HPS1: variants seen among roughly 807,000 people sequenced by gnomAD.
HPS1 encodes BLOC-3 complex member HPS1.
Under a neutral mutation model 90.6 loss-of-function variants are expected in HPS1, and 59 were observed. The observed-to-expected ratio is 0.65, with a 90% confidence interval of 0.53 to 0.81. The LOEUF (loss-of-function observed/expected upper bound fraction) is 0.81, where lower values mean the gene tolerates loss of function less well. HPS1 is among the 30% of genes least tolerant of loss of function. HPS1 has a pLI of 0.00. For synonymous variants in HPS1, 388 were observed against 384.4 expected, an observed-to-expected ratio of 1.01 and a Z score of -0.11; for missense variants, 849 against 896.7, an observed-to-expected ratio of 0.95 and a Z score of 0.68.
intron 17 of HPS1, among the ~76,000 whole-genome samples, chr10:98,421,367 AT>A (rs1257652890): frequency 7.2e-5 from 11 of 152,242 alleles, no homozygotes. Flanking sequence ...CTGCAGAATT[AT>A]TTATAACAGC....
chr10:98,415,026 G>C, downstream of HPS1: 1 of 1,612,714 alleles, frequency 6.2e-7, no homozygotes, highest in Non-Finnish European at 8.5e-7. Context: ...TATCACCACC[G>C]CATCATACTC....
rs772194128 is a variant in HPS1 at position 98,422,422 on chromosome 10, T to C, written c.1690A>G (p.Lys564Glu). Residue 564 changes from lysine to glutamate, a missense_variant, in exon 17 of 20, where the codon AAG becomes GAG. Lys to Glu is a moderately conservative substitution (Grantham distance 56). Transcript: ENST00000361490. Reference protein sequence around the residue: ...MVAPSLNCSQKTSSELGKGPL... With the variant: ...MVAPSLNCSQETSSELGKGPL... ...CCCTTGCCCAACTCCGACGAGGTCT[T>C]TTGACTGCAGTTGAGGGAAGGCGCC... is the stretch of plus-strand genomic sequence containing the variant. 9.3e-6 allele frequency: 15 copies of C among 1,614,038 alleles called. No homozygotes were observed. The highest frequency in any genetic ancestry group is 1.3e-5 in the Non-Finnish European group (15 of 1,180,008).
chr10:98,429,913 G>T, intron 8 of HPS1, 24 bp from the exon 9 acceptor site: 2 of 1,597,482 alleles, frequency 1.3e-6, no homozygotes, highest in Non-Finnish European at 1.7e-6. Context: ...GGGAGAGGCT[G>T]GTTAGCTCCT....
intron 13 of HPS1, 124 bp downstream of exon 13, chr10:98,425,417 C>A (rs114779127): frequency 6.6e-6 from 6 of 902,436 alleles, no homozygotes; most frequent in South Asian, 1.4e-5. Flanking sequence ...ATCGTAGGCC[C>A]GGGGGAGGTG....
At chr10:98,442,689 G>A (rs1000198878) in intron 3 of HPS1, 4 of 249,954 alleles carry the variant, frequency 1.6e-5, no homozygotes, top group South Asian at 1.5e-4. Flanking sequence ...TATTTTTTTT[G>A]TAGAGACAGG....
In HPS1 at chr10:98,435,613, G is replaced by GGCCTATA; in HGVS notation, c.255+21_255+22insTATAGGC. 1.2e-6 allele frequency: 2 copies of GGCCTATA among 1,614,004 alleles called. No homozygotes were observed. The highest frequency in any genetic ancestry group is 1.7e-6 in the Non-Finnish European group (2 of 1,179,956). On this transcript the variant is annotated intron_variant, in intron 4 of 19. Coordinates refer to ENST00000361490, the MANE Select transcript of HPS1 (RefSeq NM_000195.5). This position sits in a 1 kb window ranked among gnomAD's most constrained non-coding sequence, Gnocchi z 4.3. ...ATCAAGCTGAGGGAAGAGGAACATG[G>GGCCTATA]GCCCCAGAGCTATAGACTCACCAGG...
At position 98,420,131 on chromosome 10, in the gene HPS1, T is replaced by G. The variant is rs1040121123; in HGVS notation, c.1771A>C (p.Arg591=). 1 of 1,613,784 alleles carries G rather than the reference T, an allele frequency of 6.2e-7. No homozygotes were observed. Among genetic ancestry groups the G allele is most frequent in the African/African-American group, 1.3e-5 (1 of 74,938 alleles). Residue 591 remains arginine, a synonymous_variant, in exon 18 of 20, where the codon AGA becomes CGA. Coordinates refer to ENST00000361490, the MANE Select transcript of HPS1 (RefSeq NM_000195.5). ...GTGGTGTAGCCCTTCTGCAGGTATC[T>G]GCGCGCCAGCTGGATCAGAGACCAG... ...KVWSLIQLAR[R]YLQKGYTTLL... is the part of the protein sequence containing the mutation.
rs894195967 is a variant in HPS1 at position 98,417,162 on chromosome 10, G to A, written c.*402C>T. The stretch of plus-strand genomic sequence containing the variant: ...GGAGGTGCAGAGAGGAAGTGGCAGC[G>A]CTGGAATTCAAACCCAGGCAAAGGA... On this transcript the variant is annotated 3_prime_UTR_variant, in exon 20 of 20. Transcript: ENST00000361490. The surrounding 1 kb of genome is among the most constrained non-coding windows in gnomAD (Gnocchi z 4.2). The A allele has an allele frequency of 1.9e-5, 3 of 161,448 alleles. No individual in the cohort carries two copies. The highest frequency in any genetic ancestry group is 4.0e-5 in the Non-Finnish European group (3 of 74,386). The allele number at this position is 161,448 out of a possible 1,614,324, so 10.0% of individuals were successfully genotyped here. A position where few individuals can be genotyped will look rare whatever the true frequency, so the allele number is the denominator to read the frequency against.
rs777901500 is a variant in HPS1 at position 98,422,497 on chromosome 10, G to C, written c.1615C>G (p.Pro539Ala). ...ITMVSYLEDF[P>A]GLVHFIYVDR... ...ACATAGATGAAGTGCACCAAGCCTG[G>C]GAAGTCTTCTAGGTAGGTGAAGGTC... Residue 539 changes from proline to alanine, a missense_variant, in exon 17 of 20, where the codon CCA (proline) becomes GCA (alanine). Pro to Ala is a conservative substitution (Grantham distance 27). Transcript: ENST00000361490. The C allele has an allele frequency of 6.2e-7, 1 of 1,614,142 alleles. No individual in the cohort carries two copies. Among genetic ancestry groups the C allele is most frequent in the Non-Finnish European group, 8.5e-7 (1 of 1,180,026 alleles).
rs781390534 is a variant in HPS1, at chr10:98,431,173, G to C, written c.626C>G (p.Ala209Gly). 6.2e-7 allele frequency: 1 copy of C among 1,614,172 alleles called. No homozygotes were observed. Among genetic ancestry groups the C allele is most frequent in the Non-Finnish European group, 8.5e-7 (1 of 1,180,032 alleles). The change falls in exon 7 of 20, where the codon GCC becomes GGC. Residue 209 changes from alanine to glycine, a missense_variant. Physicochemically the swap from Ala to Gly is moderately conservative, Grantham distance 60. Transcript: ENST00000361490. The stretch of plus-strand genomic sequence containing the variant: ...CAGCTTGGAGTGCACGAGCAGGAAG[G>C]CATGCAGGGCCTCCTCGCCTCCCCG... ...PERGGEEALH[A>G]FLLVHSKLLA...
At chr10:98,424,531 C>T (rs891332656) in intron 13 of HPS1, among the ~76,000 whole-genome samples, 157 bp from the exon 14 acceptor site, 1 of 152,316 alleles carries the variant, frequency 6.6e-6, no homozygotes, top group Non-Finnish European at 1.5e-5. Context: ...CCCCACCAGC[C>T]CCCTGCAGAC....
intron 9 of HPS1, 51 bp downstream of exon 9, chr10:98,429,740 C>T (rs948385972): frequency 9.3e-6 from 15 of 1,613,210 alleles, no homozygotes; most frequent in Non-Finnish European, 1.3e-5. Context: ...TGGTCGCCTG[C>T]AGAGGCCGAT....
At chr10:98,440,266 C>T (rs1938183515) in intron 3 of HPS1, among the ~76,000 whole-genome samples, 1 of 152,164 alleles carries the variant, frequency 6.6e-6, no homozygotes, top group African/African-American at 2.4e-5. Flanking sequence ...TTTGACTCAA[C>T]ATTTTTATTT....
chr10:98,431,088 G>T, intron 7 of HPS1, 43 bp downstream of exon 7: 1 of 1,606,648 alleles, frequency 6.2e-7, no homozygotes, highest in Non-Finnish European at 8.5e-7. Context: ...GAGTGAGAAG[G>T]CCAGGGAGCC....
intron 10 of HPS1, among the ~76,000 whole-genome samples, chr10:98,428,198 CA>C (rs775038877): frequency 1.4e-4 from 21 of 152,214 alleles, no homozygotes; most frequent in Non-Finnish European, 2.2e-4. Context: ...CACACAGTCT[CA>C]GGGGGTCCTA....
chr10:98,415,464 A>T (rs532745345), downstream of HPS1, among the ~76,000 whole-genome samples: 3 of 152,354 alleles, frequency 2.0e-5, no homozygotes, highest in South Asian at 6.2e-4. Flanking sequence ...TTTACAGATG[A>T]GGGCGCTGAG....
chr10:98,420,378 G>A, intron 17 of HPS1: 2 of 525,780 alleles, frequency 3.8e-6, no homozygotes, highest in Admixed American at 3.0e-5. Flanking sequence ...CAAAATATAT[G>A]TAAAAAAGCT....
At chr10:98,414,948 G>C, downstream of HPS1, 6 of 1,568,660 alleles carry the variant, frequency 3.8e-6, no homozygotes, top group South Asian at 2.4e-5. Flanking sequence ...TCCCCACCAA[G>C]CTCTGAGCAG....
At chr10:98,433,786 G>A (rs1312550711) in intron 6 of HPS1, among the ~76,000 whole-genome samples, 197 bp downstream of exon 6, 1 of 152,142 alleles carries the variant, frequency 6.6e-6, no homozygotes, top group African/African-American at 2.4e-5. Flanking sequence ...ATCCAGGATC[G>A]AGCTGTTTTA....
Sources: allele counts gnomAD v4.1 joint callset (sites outside exome capture counted in the v4.1 genomes callset), GRCh38; gene constraint gnomAD v4.1.1; non-coding constraint Gnocchi (gnomAD v3.1); transcripts MANE v1.5; gene names NCBI Gene and HGNC (gene_info 2026-07-23, HGNC 2026-07-21).